The following ZNF492 variants were observed in gnomAD, a reference collection of about 807,000 sequenced individuals.
ZNF492 encodes the protein zinc finger protein 492.
In ZNF492, 3 loss-of-function variants were observed where a neutral mutation model predicts 6.4. The ratio of observed to expected loss-of-function variants is 0.47; its 90% CI spans 0.21 to 1.22. The LOEUF (loss-of-function observed/expected upper bound fraction) is 1.22, where lower values mean the gene tolerates loss of function less well. Ranked by LOEUF, ZNF492 falls within the 50% of genes most tolerant of loss-of-function variation. The pLI is 0.22. For missense variants in ZNF492, 356 were observed against 612.5 expected, an observed-to-expected ratio of 0.58 and a Z score of 4.42; for synonymous variants, 112 against 205.3, an observed-to-expected ratio of 0.55 and a Z score of 3.89.
rs1971738754 is a variant in ZNF492 at position 22,634,420 on chromosome 19, A to G, written c.-148A>G. On this transcript the variant is annotated 5_prime_UTR_variant, in exon 1 of 4. Coordinates refer to ENST00000456783, the MANE Select transcript of ZNF492 (RefSeq NM_020855.3). ...CATCCTCTGTGGCCCTGTGACCTGC[A>G]GGTATTGGGAGATCCACAGCTAAGA... is the stretch of plus-strand genomic sequence containing the variant. The G allele has an allele frequency of 3.6e-6, 5 of 1,370,508 alleles. No individual in the cohort carries two copies. Among genetic ancestry groups the G allele is most frequent in the East Asian group, 4.9e-5 (2 of 40,708 alleles). The allele number at this position is 1,370,508 out of a possible 1,614,324, so 84.9% of individuals were successfully genotyped here.
At chr19:22,640,077 A>T (rs1971810848) in intron 1 of ZNF492, among the ~76,000 whole-genome samples, 2 of 152,076 alleles carry the variant, frequency 1.3e-5, no homozygotes, top group Admixed American at 1.3e-4. Flanking sequence ...TTTTATTGAA[A>T]GCCTTTTCTG....
intron 1 of ZNF492, among the ~76,000 whole-genome samples, chr19:22,638,019 C>A (rs188567688): frequency 6.6e-6 from 1 of 152,114 alleles, no homozygotes; most frequent in African/African-American, 2.4e-5. Flanking sequence ...ATGTCTTCTT[C>A]GAAGAAAACA....
chr19:22,634,860 CTCTTT>C (rs984595654), intron 1 of ZNF492, among the ~76,000 whole-genome samples: 1 of 152,078 alleles, frequency 6.6e-6, no homozygotes, highest in African/African-American at 2.4e-5. Flanking sequence ...TTCCTAGTTC[CTCTTT>C]TCTTCTATTA....
At chr19:22,660,308 A>G (rs183435008) in intron 3 of ZNF492, among the ~76,000 whole-genome samples, 36 of 152,096 alleles carry the variant, frequency 2.4e-4, no homozygotes, top group Admixed American at 8.5e-4. Context: ...TAATTATTTT[A>G]TTTGATTCTT....
Position 22,637,326 on chromosome 19 carries a change from T to A in ZNF492, c.-94+2852T>A, listed in dbSNP as rs1309202933. Among the ~76,000 whole-genome samples the A allele has an allele frequency of 2.0e-5, 3 of 152,046 alleles. 1 individual carries two copies. Among genetic ancestry groups the A allele is most frequent in the South Asian group, 4.1e-4 (2 of 4,824 alleles). ...TATTTTTGAAGACAGGGTCTCACTC[T>A]GTTGTCCAGACTGGAGTGCAGTGGC... is the stretch of plus-strand genomic sequence containing the variant. On this transcript the variant is annotated intron_variant, in intron 1 of 3. Coordinates refer to ENST00000456783, the MANE Select transcript of ZNF492 (RefSeq NM_020855.3).
Position 22,634,591 on chromosome 19 carries a change from A to G in ZNF492, c.-94+117A>G, listed in dbSNP as rs534965519. On this transcript the variant is annotated intron_variant, in intron 1 of 3. Transcript: ENST00000456783. ...AGTCGGCTCCACAATCTGCGCCCCA[A>G]GTTCGCCTTGCCCAGCCCAGCCTCA... 7.4e-4 allele frequency: 816 copies of G among 1,097,366 alleles called. 11 individuals carry two copies. The South Asian group carries it at 0.01, about 14-fold the overall frequency. 68.0% of individuals were successfully genotyped at this position (1,097,366 alleles called of 1,614,324 possible).
intron 1 of ZNF492, 145 bp downstream of exon 1, chr19:22,634,619 C>T (rs1399256315): frequency 2.3e-5 from 21 of 915,196 alleles, no homozygotes; most frequent in African/African-American, 5.2e-5. Flanking sequence ...CAGCCTCAGT[C>T]CCCTTCAGCC....
intron 3 of ZNF492, among the ~76,000 whole-genome samples, chr19:22,660,484 T>A (rs1271820005): frequency 6.6e-6 from 1 of 151,280 alleles, no homozygotes; most frequent in Non-Finnish European, 1.5e-5. Context: ...TAGTTTTAAT[T>A]TGGTATAAAA....
intron 1 of ZNF492, among the ~76,000 whole-genome samples, chr19:22,643,190 C>T (rs1265280180): frequency 1.3e-5 from 2 of 152,136 alleles, no homozygotes; most frequent in South Asian, 4.1e-4. Context: ...AGGAGAATCG[C>T]TTGAACCTGG....
intron 1 of ZNF492, among the ~76,000 whole-genome samples, chr19:22,635,308 C>A (rs1360341134): frequency 1.3e-5 from 2 of 152,176 alleles, no homozygotes; most frequent in African/African-American, 4.8e-5. Flanking sequence ...AAGTCAACCC[C>A]CCACACCCCA....
chr19:22,636,522 G>C (rs1381879398), intron 1 of ZNF492, among the ~76,000 whole-genome samples: 1 of 100,728 alleles, frequency 9.9e-6, no homozygotes, highest in Non-Finnish European at 1.9e-5. Context: ...TTCTGTGTGT[G>C]TGTGTGTGTG....
intron 1 of ZNF492, among the ~76,000 whole-genome samples, chr19:22,652,235 T>A (rs1262497019): frequency 1.1e-4 from 11 of 103,576 alleles, no homozygotes; most frequent in East Asian, 2.5e-4. Flanking sequence ...TTTTTTTTTT[T>A]TTTGAGACGG....
intron 3 of ZNF492, among the ~76,000 whole-genome samples, chr19:22,662,184 T>C (rs1218431558): frequency 6.6e-6 from 1 of 152,062 alleles, no homozygotes; most frequent in Middle Eastern, 3.2e-3. Flanking sequence ...ACATGTGGTG[T>C]TTGGTTTTCT....
intron 1 of ZNF492, among the ~76,000 whole-genome samples, chr19:22,646,968 C>T (rs1470528924): frequency 1.3e-5 from 2 of 152,158 alleles, no homozygotes; most frequent in Admixed American, 6.5e-5. Context: ...CGGCTCACCG[C>T]AACCTCCGCC....
Position 22,660,990 on chromosome 19 carries a change from A to G in ZNF492, c.131-2810A>G, listed in dbSNP as rs188332239. Among the ~76,000 whole-genome samples the G allele has an allele frequency of 4.0e-5, 6 of 150,894 alleles. No homozygotes were observed. The East Asian group carries it at 1.2e-3, about 29-fold the overall frequency. On this transcript the variant is annotated intron_variant, in intron 3 of 3. Coordinates refer to ENST00000456783, the MANE Select transcript of ZNF492 (RefSeq NM_020855.3). ...TCTGCAGAATTTTTGTTGATAATTC[A>G]CTGGTAATATCATAAGACTATGTTT...
chr19:22,635,832 C>T (rs1971755931), intron 1 of ZNF492, among the ~76,000 whole-genome samples: 1 of 152,182 alleles, frequency 6.6e-6, no homozygotes, highest in South Asian at 2.1e-4. Flanking sequence ...GGAGTGTAGC[C>T]TCTCAAGTGG....
rs915642524 is a variant in ZNF492 at position 22,653,158 on chromosome 19, C to T, written c.-93-149C>T. On this transcript the variant is annotated intron_variant, in intron 1 of 3. Coordinates refer to ENST00000456783, the MANE Select transcript of ZNF492 (RefSeq NM_020855.3). ...GTTAGAGAATGCATTAGAGAATATACTTCTGTGCTGAAAGTTATTTATTAA... is the reference window on the plus strand; with the variant it reads ...GTTAGAGAATGCATTAGAGAATATATTTCTGTGCTGAAAGTTATTTATTAA... The T allele has an allele frequency of 4.3e-6, 4 of 923,954 alleles. 1 individual carries two copies. The African/African-American group carries it at 7.0e-5, about 16-fold the overall frequency. 57.2% of individuals were successfully genotyped at this position (923,954 alleles called of 1,614,324 possible).
At position 22,666,227 on chromosome 19, in the gene ZNF492, C is replaced by T. The variant is rs1185200965; in HGVS notation, c.*962C>T. The stretch of plus-strand genomic sequence containing the variant: ...TTTTAGATGGAGTCTTGCTCTATCG[C>T]CCCCCCAGGCTGGAGTACAGTGGCA... On this transcript the variant is annotated 3_prime_UTR_variant, in exon 4 of 4. Coordinates refer to ENST00000456783, the MANE Select transcript of ZNF492 (RefSeq NM_020855.3). 8.7e-5 allele frequency: 11 copies of T among 127,048 alleles called. No homozygotes were observed. The East Asian group carries it at 1.0e-3, about 12-fold the overall frequency. 7.9% of individuals were successfully genotyped at this position (127,048 alleles called of 1,614,324 possible). A position where few individuals can be genotyped will look rare whatever the true frequency, so the allele number is the denominator to read the frequency against.
At chr19:22,649,191 T>G (rs1971914980) in intron 1 of ZNF492, among the ~76,000 whole-genome samples, 1 of 152,186 alleles carries the variant, frequency 6.6e-6, no homozygotes, top group South Asian at 2.1e-4. Context: ...CTCATGCAGC[T>G]TAGTTTGGCT....
Sources: allele counts gnomAD v4.1 joint callset (sites outside exome capture counted in the v4.1 genomes callset), GRCh38; gene constraint gnomAD v4.1.1; transcripts MANE v1.5; gene names NCBI Gene and HGNC (gene_info 2026-07-23, HGNC 2026-07-21).